Variants in ASB6 observed in about 807,000 individuals in gnomAD.
The protein encoded by ASB6 is ankyrin repeat and SOCS box protein 6.
ASB6 carries 24 observed loss-of-function variants against 28.6 expected under a neutral mutation model. The observed-to-expected ratio is 0.84, with a 90% CI of 0.61 to 1.18. The LOEUF (loss-of-function observed/expected upper bound fraction) is 1.18. Ranked by LOEUF, ASB6 falls within the 50% of genes most tolerant of loss-of-function variation. The probability of loss-of-function intolerance (pLI) is 0.00; values close to 1 mark genes in which losing one functional copy is unlikely to be tolerated. For missense variants in ASB6, 519 were observed against 559.8 expected, an observed-to-expected ratio of 0.93 and a Z score of 0.74; for synonymous variants, 267 against 243.4, an observed-to-expected ratio of 1.10 and a Z score of -0.90.
Position 129,640,528 on chromosome 9 carries a change from G to A in ASB6, c.295+13C>T. On this transcript the variant is annotated intron_variant, in intron 2 of 5. Transcript: ENST00000277458. ...GTTTAAGCCACCTGCCCACCCCCGGGGCTCTCGCTGACCTTCAAAGTTGAG... is the reference window on the plus strand; with the variant it reads ...GTTTAAGCCACCTGCCCACCCCCGGAGCTCTCGCTGACCTTCAAAGTTGAG... 2 of 1,601,070 alleles carry A rather than the reference G, an allele frequency of 1.2e-6. No homozygotes were observed. Among genetic ancestry groups the A allele is most frequent in the Non-Finnish European group, 1.7e-6 (2 of 1,174,836 alleles).
chr9:129,641,874 G>A lies in ASB6; in HGVS notation c.113+13C>T. 6.3e-7 allele frequency: 1 copy of A among 1,583,262 alleles called. No homozygotes were observed. The highest frequency in any genetic ancestry group is 1.1e-5 in the South Asian group (1 of 87,948). On this transcript the variant is annotated intron_variant, in intron 1 of 5. Transcript: ENST00000277458. ...GAGCGGCCTCGGCCAGCTCACGGGA[G>A]GGGGTGAGTTACCGGTCCAGAGACT... is the stretch of plus-strand genomic sequence containing the variant.
Position 129,637,567 on chromosome 9 carries a change from G to T in ASB6, c.*223C>A. ...CTCTTTCCAACATGGGGGGGACTTG[G>T]AGTGCCGCTGGAGGGAAGGGGGCAG... On this transcript the variant is annotated 3_prime_UTR_variant, in exon 6 of 6. Coordinates refer to ENST00000277458, the MANE Select transcript of ASB6 (RefSeq NM_017873.4). The T allele has an allele frequency of 2.5e-6, 1 of 407,894 alleles. No homozygotes were observed. The highest frequency in any genetic ancestry group is 4.3e-6 in the Non-Finnish European group (1 of 232,396). 25.3% of individuals were successfully genotyped at this position (407,894 alleles called of 1,614,324 possible). A position where few individuals can be genotyped will look rare whatever the true frequency, so the allele number is the denominator to read the frequency against.
chr9:129,640,464 A>G (rs551310259), intron 2 of ASB6, 77 bp downstream of exon 2: 1 of 1,518,906 alleles, frequency 6.6e-7, no homozygotes, highest in South Asian at 1.3e-5. Context: ...GGTAGAAGCC[A>G]AGGCTGGGGA....
chr9:129,640,646 A>G lies in ASB6; in HGVS notation c.190T>C (p.Phe64Leu). Residue 64 changes from phenylalanine to leucine, a missense_variant, in exon 2 of 6, where the codon TTT becomes CTT. Phe to Leu is a conservative substitution (Grantham distance 22). Transcript: ENST00000277458. The part of the protein sequence containing the change: ...ELLERKAHSP[F>L]YQEGVSNALL... The stretch of plus-strand genomic sequence containing the variant: ...GCGTTGCTCACGCCTTCCTGGTAAA[A>G]GGGAGAGTGGGCTTTCCTCTCCAGC... The G allele has an allele frequency of 6.2e-7, 1 of 1,614,034 alleles. No individual in the cohort carries two copies. Among genetic ancestry groups the G allele is most frequent in the Non-Finnish European group, 8.5e-7 (1 of 1,179,954 alleles).
rs935602332 is a variant in ASB6 at position 129,635,788 on chromosome 9, C to T, written c.*2002G>A. ...ATCAGTAACCGATTCCCTGGGCCTC[C>T]AGCCCGGCCTTCCAGCCATGGGCCT... On this transcript the variant is annotated 3_prime_UTR_variant, in exon 6 of 6. Coordinates refer to ENST00000277458, the MANE Select transcript of ASB6 (RefSeq NM_017873.4). 5.0e-5 allele frequency: 13 copies of T among 261,594 alleles called. No homozygotes were observed. The highest frequency in any genetic ancestry group is 9.5e-5 in the Non-Finnish European group (13 of 136,178). The allele number at this position is 261,594 out of a possible 1,614,324, so 16.2% of individuals were successfully genotyped here.
At chr9:129,640,005 C>G (rs1299791926) in intron 2 of ASB6, among the ~76,000 whole-genome samples, 1 of 152,200 alleles carries the variant, frequency 6.6e-6, no homozygotes, top group East Asian at 1.9e-4. Context: ...CAAGGCAGCC[C>G]TGCCTGTCTG....
rs1367585867 is a variant in ASB6 at position 129,638,176 on chromosome 9, C to A, written c.880G>T (p.Ala294Ser). Residue 294 changes from alanine to serine, a missense_variant, in exon 6 of 6, where the codon GCG becomes TCG. Ala to Ser is a moderately conservative substitution (Grantham distance 99). Transcript: ENST00000277458. The stretch of plus-strand genomic sequence containing the variant: ...ATGTGAAAGCCAGACCAGCAGGACG[C>A]ACCGTGCAGGGAGCAGTTGTAGGCG... ...GAAYNCSLHG[A>S]SCWSGFHIIF... 1.2e-6 allele frequency: 2 copies of A among 1,613,758 alleles called. No homozygotes were observed. The highest frequency in any genetic ancestry group is 1.6e-4 in the Middle Eastern group (1 of 6,062).
At chr9:129,641,622 C>T (rs1316612244) in intron 1 of ASB6, among the ~76,000 whole-genome samples, 1 of 152,206 alleles carries the variant, frequency 6.6e-6, no homozygotes, top group Admixed American at 6.5e-5. Flanking sequence ...GACAGGCAGG[C>T]GACAGGGTGG....
chr9:129,637,074 G>C lies in ASB6; in HGVS notation c.*716C>G, dbSNP rs913728926. ...CCAAAGTGAGCCCCTCACAACAGGA[G>C]ACACTTCAGAGAGGTCTGTCCCCAG... On this transcript the variant is annotated 3_prime_UTR_variant, in exon 6 of 6. Transcript: ENST00000277458. 1 of 152,216 alleles carries C rather than the reference G, an allele frequency of 6.6e-6. No homozygotes were observed. Among genetic ancestry groups the C allele is most frequent in the Non-Finnish European group, 1.5e-5 (1 of 68,046 alleles). 9.4% of individuals were successfully genotyped at this position (152,216 alleles called of 1,614,324 possible). A position where few individuals can be genotyped will look rare whatever the true frequency, so the allele number is the denominator to read the frequency against.
intron 2 of ASB6, among the ~76,000 whole-genome samples, chr9:129,639,854 A>C (rs1831650374): frequency 6.6e-6 from 1 of 152,184 alleles, no homozygotes; most frequent in African/African-American, 2.4e-5. Flanking sequence ...CAGGTTCTCC[A>C]AGCTGGTCTC....
rs140596279 is a variant in ASB6 at position 129,638,224 on chromosome 9, G to A, written c.832C>T (p.Arg278Cys). The A allele has an allele frequency of 1.4e-5, 23 of 1,613,344 alleles. No individual in the cohort carries two copies. Among genetic ancestry groups the A allele is most frequent in the South Asian group, 6.6e-5 (6 of 91,078 alleles). Residue 278 changes from arginine to cysteine, a missense_variant, in exon 6 of 6, where the codon CGC becomes TGC. Transcript: ENST00000277458. ...GCGGCTCCGGACTCCAGGAGGAAGC[G>A]CAGGAGAGGGAAGTGCAGTTTAAAG... Reference protein sequence around the residue: ...KSFKLHFPLLRFLLESGAAYN... With the variant: ...KSFKLHFPLLCFLLESGAAYN...
In ASB6 at chr9:129,638,313, GCC is replaced by G; in HGVS notation, c.741_742del (p.Ala248ThrfsTer23). On this transcript the variant is annotated frameshift_variant, in exon 6 of 6. Coordinates refer to ENST00000277458, the MANE Select transcript of ASB6 (RefSeq NM_017873.4). LOFTEE classifies it high-confidence loss of function. ...GCACTCGCTGGGGTCGGCCCCGTGT[GCC>G]AGCAGCAGCCGTGTGACTTGGAAGC... is the stretch of plus-strand genomic sequence containing the variant. 6.2e-7 allele frequency: 1 copy of G among 1,612,702 alleles called. No individual in the cohort carries two copies. Among genetic ancestry groups the G allele is most frequent in the East Asian group, 2.2e-5 (1 of 44,882 alleles).
chr9:129,640,549 T>C lies in ASB6; in HGVS notation c.287A>G (p.Asn96Ser), dbSNP rs777218315. 5.0e-6 allele frequency: 8 copies of C among 1,606,908 alleles called. No homozygotes were observed. The highest frequency in any genetic ancestry group is 6.8e-6 in the Non-Finnish European group (8 of 1,177,572). The change falls in exon 2 of 6, where the codon AAC (asparagine) becomes AGC (serine). Residue 96 changes from asparagine to serine, a missense_variant. Physicochemically the swap from Asn to Ser is conservative, Grantham distance 46. Transcript: ENST00000277458. ...DVLLRHGANL[N>S]FEDPVTYYTA... The stretch of plus-strand genomic sequence containing the variant: ...CCGGGGCTCTCGCTGACCTTCAAAG[T>C]TGAGATTGGCCCCATGCCGCAAGAG...
In ASB6 at chr9:129,635,383, A is replaced by G. The variant is rs752235207; in HGVS notation, c.*2407T>C. ...TGGTCCGCAGGATCATCTGCAGTGC[A>G]GGCCTCAGCCTCCTGGCCGAGGAGA... On this transcript the variant is annotated 3_prime_UTR_variant, in exon 6 of 6. Coordinates refer to ENST00000277458, the MANE Select transcript of ASB6 (RefSeq NM_017873.4). The G allele has an allele frequency of 3.2e-5, 51 of 1,613,572 alleles. No individual in the cohort carries two copies. Among genetic ancestry groups the G allele is most frequent in the Admixed American group, 1.7e-4 (10 of 60,004 alleles).
chr9:129,642,148 C>G lies in ASB6; in HGVS notation c.-149G>C, dbSNP rs1189890102. Reference sequence around the variant, plus strand: ...GGCCGGGTCCGCTCCTCAGTCCAAGCCGCGCCCCCGCCGGAAGTGACCCTC... The same window carrying G: ...GGCCGGGTCCGCTCCTCAGTCCAAGGCGCGCCCCCGCCGGAAGTGACCCTC... On this transcript the variant is annotated 5_prime_UTR_variant, in exon 1 of 6. Coordinates refer to ENST00000277458, the MANE Select transcript of ASB6 (RefSeq NM_017873.4). The surrounding 1 kb of genome is among the most constrained non-coding windows in gnomAD (Gnocchi z 4.3). The G allele has an allele frequency of 7.7e-7, 1 of 1,299,868 alleles. No homozygotes were observed. The highest frequency in any genetic ancestry group is 4.3e-5 in the Admixed American group (1 of 23,514). The allele number at this position is 1,299,868 out of a possible 1,614,324, so 80.5% of individuals were successfully genotyped here.
At chr9:129,641,011 G>A in intron 1 of ASB6, 1 of 365,020 alleles carries the variant, frequency 2.7e-6, no homozygotes, top group Non-Finnish European at 5.0e-6. Context: ...ACACACCTGG[G>A]CTGCTGGGAC....
chr9:129,634,950 A>T lies in ASB6; in HGVS notation c.*2840T>A. 2.0e-6 allele frequency: 1 copy of T among 500,142 alleles called. No individual in the cohort carries two copies. Among genetic ancestry groups the T allele is most frequent in the African/African-American group, 1.9e-5 (1 of 51,808 alleles). The allele number at this position is 500,142 out of a possible 1,614,324, so 31.0% of individuals were successfully genotyped here. A position where few individuals can be genotyped will look rare whatever the true frequency, so the allele number is the denominator to read the frequency against. ...TGGGGCATCATGGTGTGTAGGTATCAGGCAGGACTTGTAAGCCATCCCGTC... is the reference window on the plus strand; with the variant it reads ...TGGGGCATCATGGTGTGTAGGTATCTGGCAGGACTTGTAAGCCATCCCGTC... On this transcript the variant is annotated 3_prime_UTR_variant, in exon 6 of 6. Coordinates refer to ENST00000277458, the MANE Select transcript of ASB6 (RefSeq NM_017873.4).
intron 1 of ASB6, 138 bp downstream of exon 1, chr9:129,641,749 G>C: frequency 1.0e-6 from 1 of 953,866 alleles, no homozygotes; most frequent in Non-Finnish European, 1.5e-6. Flanking sequence ...CGCGCACTCC[G>C]AGCCACGCAA....
rs1401352671 is a variant in ASB6 at position 129,634,808 on chromosome 9, G to T, written c.*2982C>A. The T allele has an allele frequency of 4.0e-6, 1 of 252,040 alleles. No individual in the cohort carries two copies. The highest frequency in any genetic ancestry group is 7.8e-6 in the Non-Finnish European group (1 of 128,418). 15.6% of individuals were successfully genotyped at this position (252,040 alleles called of 1,614,324 possible). ...CACTCTAGGTCTGGCCTTGTATTTTGTGGTCTCAGAAGCCTTTGTGGGGAC... is the reference window on the plus strand; with the variant it reads ...CACTCTAGGTCTGGCCTTGTATTTTTTGGTCTCAGAAGCCTTTGTGGGGAC... On this transcript the variant is annotated 3_prime_UTR_variant, in exon 6 of 6. Coordinates refer to ENST00000277458, the MANE Select transcript of ASB6 (RefSeq NM_017873.4).
Sources: allele counts gnomAD v4.1 joint callset (sites outside exome capture counted in the v4.1 genomes callset), GRCh38; gene constraint gnomAD v4.1.1; non-coding constraint Gnocchi (gnomAD v3.1); transcripts MANE v1.5; gene names NCBI Gene and HGNC (gene_info 2026-07-23, HGNC 2026-07-21).